CALB2: variants seen among roughly 807,000 people sequenced by gnomAD.
CALB2 encodes the protein calretinin.
In CALB2, 34 loss-of-function variants were observed where a neutral mutation model predicts 45.9. The ratio of observed to expected loss-of-function variants is 0.74; its 90% CI spans 0.56 to 0.99. The LOEUF (loss-of-function observed/expected upper bound fraction) is 0.99. Ranked by LOEUF, CALB2 falls within the 50% of genes least tolerant of loss-of-function variation. The pLI, the probability that CALB2 is intolerant of heterozygous loss-of-function variation, is 0.00. For synonymous variants in CALB2, 142 were observed against 129.6 expected (o/e 1.10, Z -0.65); for missense variants, 344 against 339.3 (o/e 1.01, Z -0.11).
At chr16:71,359,417 C>G (rs1189591113) in intron 1 of CALB2, among the ~76,000 whole-genome samples, 1 of 152,190 alleles carries the variant, frequency 6.6e-6, no homozygotes, top group African/African-American at 2.4e-5. Context: ...CACCCCCCTG[C>G]TTCCTTTGTC....
At chr16:71,365,528 T>C (rs1045608575) in intron 1 of CALB2, among the ~76,000 whole-genome samples, 1 of 152,090 alleles carries the variant, frequency 6.6e-6, no homozygotes. Flanking sequence ...ACTGAGCAAA[T>C]GCGTCTCAGA....
chr16:71,385,748 C>T (rs1052034901), intron 10 of CALB2, 100 bp downstream of exon 10: 18 of 806,074 alleles, frequency 2.2e-5, no homozygotes, highest in African/African-American at 3.5e-5. Context: ...TCTCTACTCC[C>T]CTCTGATCTG....
chr16:71,381,130 A>G (rs1367841565), intron 4 of CALB2, among the ~76,000 whole-genome samples: 1 of 152,180 alleles, frequency 6.6e-6, no homozygotes, highest in African/African-American at 2.4e-5. Context: ...GGCAACTTGG[A>G]GGGGGTGTCT....
At chr16:71,362,943 G>T (rs538293164) in intron 1 of CALB2, among the ~76,000 whole-genome samples, 1 of 152,224 alleles carries the variant, frequency 6.6e-6, no homozygotes, top group African/African-American at 2.4e-5. Context: ...ACCTTGGGAG[G>T]CCAAGGCAGG....
chr16:71,388,334 C>CAAAAAAAAAAAAA (rs71153632), intron 10 of CALB2, among the ~76,000 whole-genome samples: 2 of 103,396 alleles, frequency 1.9e-5, no homozygotes, highest in African/African-American at 4.5e-5. Context: ...GACCTTATCT[C>CAAAAAAAAAAAAA]AAAAAAAAAA....
At chr16:71,385,247 G>A (rs914477566) in intron 9 of CALB2, 3 of 338,808 alleles carry the variant, frequency 8.9e-6, no homozygotes, top group East Asian at 5.0e-5. Context: ...CATGACTCCG[G>A]TGGTTTTCTT....
At position 71,390,106 on chromosome 16, in the gene CALB2, G is replaced by T. The variant is rs1421254414; in HGVS notation, c.*241G>T. On this transcript the variant is annotated 3_prime_UTR_variant, in exon 11 of 11. Transcript: ENST00000302628. ...TGGATCACACACATGGAAGGTGATG[G>T]GGGCATGGGTGGAGGGTCCCTAATT... 8 of 500,900 alleles carry T rather than the reference G, an allele frequency of 1.6e-5. No individual in the cohort carries two copies. Among genetic ancestry groups the T allele is most frequent in the Admixed American group, 3.4e-5 (1 of 29,590 alleles). 31.0% of individuals were successfully genotyped at this position (500,900 alleles called of 1,614,324 possible).
At chr16:71,364,726 G>T (rs758103027) in intron 1 of CALB2, among the ~76,000 whole-genome samples, 6 of 152,234 alleles carry the variant, frequency 3.9e-5, no homozygotes, top group Non-Finnish European at 8.8e-5. Flanking sequence ...GCACAGCCCA[G>T]AAACATAGAT....
At position 71,390,026 on chromosome 16, in the gene CALB2, G is replaced by A; in HGVS notation, c.*161G>A. 2 of 585,996 alleles carry A rather than the reference G, an allele frequency of 3.4e-6. No individual in the cohort carries two copies. Among genetic ancestry groups the A allele is most frequent in the Non-Finnish European group, 5.9e-6 (2 of 338,458 alleles). 36.3% of individuals were successfully genotyped at this position (585,996 alleles called of 1,614,324 possible). On this transcript the variant is annotated 3_prime_UTR_variant, in exon 11 of 11. Coordinates refer to ENST00000302628, the MANE Select transcript of CALB2 (RefSeq NM_001740.5). Reference sequence around the variant, plus strand: ...AATGAGAGATAGAGGATGGGCAGCTGGGGGGCTGTCCTGAGCCCCCTGCAC... The same window carrying A: ...AATGAGAGATAGAGGATGGGCAGCTAGGGGGCTGTCCTGAGCCCCCTGCAC...
intron 5 of CALB2, 148 bp downstream of exon 5, chr16:71,382,923 A>T (rs1251289690): frequency 2.8e-6 from 2 of 716,878 alleles, no homozygotes; most frequent in Non-Finnish European, 4.6e-6. Context: ...ACTTGTTTAG[A>T]GAAGTCAGGG....
chr16:71,387,156 T>G (rs1312047168), intron 10 of CALB2, among the ~76,000 whole-genome samples: 5 of 152,226 alleles, frequency 3.3e-5, no homozygotes, highest in Admixed American at 3.3e-4. Flanking sequence ...ATGCATTAAA[T>G]CTCAGAGTGA....
intron 1 of CALB2, among the ~76,000 whole-genome samples, chr16:71,363,465 T>A (rs1279317983): frequency 6.6e-6 from 1 of 152,164 alleles, no homozygotes; most frequent in Non-Finnish European, 1.5e-5. Context: ...CAGGCTCCCA[T>A]CCTCGCCCTC....
intron 4 of CALB2, among the ~76,000 whole-genome samples, chr16:71,379,614 C>T (rs182930418): frequency 4.9e-4 from 74 of 152,314 alleles, no homozygotes; most frequent in African/African-American, 1.6e-3. Context: ...ACCCACCTCA[C>T]GAACTGCCTG....
In CALB2 at chr16:71,358,879, C is replaced by T. The variant is rs771261646; in HGVS notation, c.87C>T (p.Asp29=). 1.9e-5 allele frequency: 31 copies of T among 1,612,850 alleles called. No individual in the cohort carries two copies. The highest frequency in any genetic ancestry group is 2.5e-5 in the Non-Finnish European group (29 of 1,179,556). The part of the protein sequence containing the change: ...SQFLEIWKHF[D]ADGNGYIEGK... ...TCCTGGAAATATGGAAGCACTTTGA[C>T]GCAGACGGTCAGTAAAGCTCCCAAC... The change falls in exon 1 of 11, where the codon GAC becomes GAT. Residue 29 remains aspartate (D), a synonymous_variant. Coordinates refer to ENST00000302628, the MANE Select transcript of CALB2 (RefSeq NM_001740.5).
chr16:71,375,271 T>G (rs2042397153), intron 3 of CALB2, among the ~76,000 whole-genome samples: 1 of 152,236 alleles, frequency 6.6e-6, no homozygotes, highest in Non-Finnish European at 1.5e-5. Flanking sequence ...AATTTGCATA[T>G]AACATAATTT....
intron 4 of CALB2, among the ~76,000 whole-genome samples, chr16:71,380,804 G>A (rs2042482400): frequency 1.3e-5 from 2 of 152,138 alleles, no homozygotes; most frequent in African/African-American, 4.8e-5. Flanking sequence ...TGAAAGGCTT[G>A]TGCTCTCAGG....
rs866297939 is a variant in CALB2, at chr16:71,378,084, C to T, written c.342+337C>T. ...CCAAAATACAAAAAAGTTAGCCTGG[C>T]GTGGTGGCGGGCACCTGTAATCCCA... On this transcript the variant is annotated intron_variant, in intron 4 of 10. Coordinates refer to ENST00000302628, the MANE Select transcript of CALB2 (RefSeq NM_001740.5). Among the ~76,000 whole-genome samples the T allele has an allele frequency of 2.0e-5, 3 of 151,998 alleles. No homozygotes were observed. The South Asian group carries it at 6.3e-4, about 32-fold the overall frequency.
In CALB2 at chr16:71,390,107, G is replaced by A. The variant is rs537134906; in HGVS notation, c.*242G>A. 17 of 495,880 alleles carry A rather than the reference G, an allele frequency of 3.4e-5. No homozygotes were observed. Among genetic ancestry groups the A allele is most frequent in the African/African-American group, 3.0e-4 (16 of 52,470 alleles). 30.7% of individuals were successfully genotyped at this position (495,880 alleles called of 1,614,324 possible). ...GGATCACACACATGGAAGGTGATGG[G>A]GGCATGGGTGGAGGGTCCCTAATTC... On this transcript the variant is annotated 3_prime_UTR_variant, in exon 11 of 11. Transcript: ENST00000302628.
intron 4 of CALB2, among the ~76,000 whole-genome samples, chr16:71,379,969 C>G (rs1035024986): frequency 2.0e-5 from 3 of 152,204 alleles, no homozygotes; most frequent in Admixed American, 1.3e-4. Context: ...TAGTCCTTCT[C>G]TAGCCTGCCT....
Sources: gnomAD v4.1 joint callset for allele counts (sites outside exome capture counted in the v4.1 genomes callset) on GRCh38, gnomAD v4.1.1 for gene constraint, MANE v1.5 for transcripts, NCBI Gene and HGNC (gene_info 2026-07-23, HGNC 2026-07-21) for gene names.